The following CHST11 variants were observed in gnomAD, a reference collection of about 807,000 sequenced individuals.
CHST11 encodes C4S-1.
A neutral mutation model predicts 30.4 loss-of-function variants in CHST11; 9 were observed. The ratio of observed to expected loss-of-function variants is 0.30; its 90% CI spans 0.18 to 0.52. The LOEUF (loss-of-function observed/expected upper bound fraction) is 0.52. Ranked by LOEUF, CHST11 falls within the 20% of genes least tolerant of loss-of-function variation. The probability of loss-of-function intolerance (pLI) is 0.97; values close to 1 mark genes in which losing one functional copy is unlikely to be tolerated. For synonymous variants in CHST11, 152 were observed against 187.8 expected (o/e 0.81, Z 1.56); for missense variants, 348 against 460.6 (o/e 0.76, Z 2.24).
chr12:104,742,532 G>T (rs1423878964), intron 2 of CHST11, among the ~76,000 whole-genome samples: 2 of 152,188 alleles, frequency 1.3e-5, no homozygotes, highest in East Asian at 3.9e-4. Context: ...TGTGGGAGCT[G>T]CATCCCTTCC....
chr12:104,725,268 T>C lies in CHST11; in HGVS notation c.205-31681T>C, dbSNP rs546219211. The stretch of plus-strand genomic sequence containing the variant: ...GTGTCAACACTTCAGGTTGTTTCTG[T>C]TTCTTTGCCTTCCTTTATGAATTAA... On this transcript the variant is annotated intron_variant, in intron 2 of 2. Coordinates refer to ENST00000303694, the MANE Select transcript of CHST11 (RefSeq NM_018413.6). Among the ~76,000 whole-genome samples, 7 of 152,354 alleles carry C rather than the reference T, an allele frequency of 4.6e-5. No individual in the cohort carries two copies. The East Asian group carries it at 1.3e-3, about 29-fold the overall frequency.
intron 2 of CHST11, among the ~76,000 whole-genome samples, chr12:104,632,499 G>A (rs1053963860): frequency 1.2e-4 from 18 of 152,216 alleles, no homozygotes; most frequent in African/African-American, 3.9e-4. Flanking sequence ...CCCACTAGGT[G>A]TTAGGAGTCC....
chr12:104,473,772 G>A (rs1027513664), intron 1 of CHST11, among the ~76,000 whole-genome samples: 4 of 152,046 alleles, frequency 2.6e-5, no homozygotes, highest in Admixed American at 1.3e-4. Flanking sequence ...ATTGTGCTTG[G>A]TACAAAGCTG....
At chr12:104,591,009 T>G (rs1191165480) in intron 1 of CHST11, among the ~76,000 whole-genome samples, 1 of 152,008 alleles carries the variant, frequency 6.6e-6, no homozygotes, top group Non-Finnish European at 1.5e-5. Context: ...AGGGAAGCTC[T>G]CTCTGGGGAC....
intron 2 of CHST11, among the ~76,000 whole-genome samples, chr12:104,615,341 C>T (rs138815578): frequency 9.8e-4 from 149 of 152,340 alleles, no homozygotes; most frequent in African/African-American, 3.2e-3. Flanking sequence ...GGAATATCCA[C>T]GGATATATCC....
In CHST11 at chr12:104,760,210, A is replaced by G. The variant is rs2040512203; in HGVS notation, c.*2407A>G. On this transcript the variant is annotated 3_prime_UTR_variant, in exon 3 of 3. Transcript: ENST00000303694. Reference sequence around the variant, plus strand: ...TACTTTGCTTAGGTTGACTTAGCATATCTGAGGTCTTCAAGGATAAAAACT... The same window carrying G: ...TACTTTGCTTAGGTTGACTTAGCATGTCTGAGGTCTTCAAGGATAAAAACT... 6.6e-6 allele frequency: 1 copy of G among 151,972 alleles called. No homozygotes were observed. Among genetic ancestry groups the G allele is most frequent in the Non-Finnish European group, 1.5e-5 (1 of 68,010 alleles). 9.4% of individuals were successfully genotyped at this position (151,972 alleles called of 1,614,324 possible).
chr12:104,503,904 A>C (rs1161864016), intron 1 of CHST11, among the ~76,000 whole-genome samples: 1 of 152,162 alleles, frequency 6.6e-6, no homozygotes, highest in African/African-American at 2.4e-5. Flanking sequence ...GAGAGGAAAA[A>C]AAGTCATCAG....
intron 2 of CHST11, among the ~76,000 whole-genome samples, chr12:104,649,552 T>C (rs2039471722): frequency 6.6e-6 from 1 of 152,170 alleles, no homozygotes; most frequent in Admixed American, 6.5e-5. Flanking sequence ...AGTGCTTCTG[T>C]CTAAAAGCAG....
Position 104,729,927 on chromosome 12 carries a change from G to A in CHST11, c.205-27022G>A, listed in dbSNP as rs1035225573. 1.2e-4 allele frequency among the ~76,000 whole-genome samples: 18 copies of A among 152,156 alleles called. No individual in the cohort carries two copies. The highest frequency in any genetic ancestry group is 2.2e-4 in the African/African-American group (9 of 41,424). ...GCGTGTCTGGCTGCTGGTTGGTGTC[G>A]GGGTGGTTTTGCACTTTCTGTTTCC... On this transcript the variant is annotated intron_variant, in intron 2 of 2. Transcript: ENST00000303694. This position sits in a 1 kb window ranked among gnomAD's most constrained non-coding sequence, Gnocchi z 4.0.
intron 2 of CHST11, among the ~76,000 whole-genome samples, chr12:104,713,720 A>G (rs187746017): frequency 6.9e-4 from 105 of 152,120 alleles, no homozygotes; most frequent in Non-Finnish European, 1.3e-3. Flanking sequence ...GTGTTTCCTG[A>G]TTTGAGGCCA....
intron 2 of CHST11, among the ~76,000 whole-genome samples, chr12:104,701,661 T>C (rs559283300): frequency 1.1e-4 from 16 of 152,330 alleles, no homozygotes; most frequent in African/African-American, 3.4e-4. Flanking sequence ...TCTATGACAT[T>C]TTCAAAGACC....
At chr12:104,586,745 A>C (rs1441577476) in intron 1 of CHST11, among the ~76,000 whole-genome samples, 4 of 152,254 alleles carry the variant, frequency 2.6e-5, no homozygotes, top group African/African-American at 7.2e-5. Context: ...AACATTCTTC[A>C]GCAGGCAAGG....
intron 2 of CHST11, among the ~76,000 whole-genome samples, chr12:104,652,195 A>G (rs144331894): frequency 4.4e-4 from 67 of 152,348 alleles, no homozygotes; most frequent in African/African-American, 1.6e-3. Context: ...GTTGTTTAAC[A>G]ATCATTTACA....
intron 2 of CHST11, among the ~76,000 whole-genome samples, chr12:104,604,739 C>T (rs762417255): frequency 6.6e-6 from 1 of 152,118 alleles, no homozygotes; most frequent in Non-Finnish European, 1.5e-5. Flanking sequence ...AACTGCTCCC[C>T]GAGCTGGTGT....
At chr12:104,670,567 CCACACATGCACT>C (rs1053853218) in intron 2 of CHST11, among the ~76,000 whole-genome samples, 1 of 150,530 alleles carries the variant, frequency 6.6e-6, no homozygotes. Context: ...ACATACACAC[CCACACATGCACT>C]CACACTCATA....
chr12:104,690,945 T>A (rs1425854234), intron 2 of CHST11, among the ~76,000 whole-genome samples: 2 of 152,370 alleles, frequency 1.3e-5, no homozygotes, highest in East Asian at 3.9e-4. Flanking sequence ...AGTTACTGCA[T>A]ATCAGAATCA....
chr12:104,686,850 G>T (rs1298244586), intron 2 of CHST11, among the ~76,000 whole-genome samples: 1 of 152,108 alleles, frequency 6.6e-6, no homozygotes, highest in African/African-American at 2.4e-5. Flanking sequence ...GTTTCACCAC[G>T]TTGGTCAGGC....
chr12:104,533,481 G>C (rs769446908), intron 1 of CHST11, among the ~76,000 whole-genome samples: 1 of 152,156 alleles, frequency 6.6e-6, no homozygotes, highest in Non-Finnish European at 1.5e-5. Context: ...ATATGACCAG[G>C]TGAAATGTAT....
intron 1 of CHST11, among the ~76,000 whole-genome samples, chr12:104,536,848 C>T (rs1481088923): frequency 6.6e-6 from 1 of 152,162 alleles, no homozygotes. Flanking sequence ...CTTTCTATTC[C>T]TCCAGGCCGG....
Sources: allele counts gnomAD v4.1 joint callset (sites outside exome capture counted in the v4.1 genomes callset), GRCh38; gene constraint gnomAD v4.1.1; non-coding constraint Gnocchi (gnomAD v3.1); transcripts MANE v1.5; gene names NCBI Gene and HGNC (gene_info 2026-07-23, HGNC 2026-07-21).